ABAT: variants seen among roughly 807,000 people sequenced by gnomAD.
The protein encoded by ABAT is 4-aminobutyrate aminotransferase, mitochondrial.
In ABAT, 45 loss-of-function variants were observed where a neutral mutation model predicts 64.6. That is an observed-to-expected ratio of 0.70 (90% CI 0.55 to 0.89). The LOEUF is 0.89. Ranked by LOEUF, ABAT falls within the 40% of genes least tolerant of loss-of-function variation. The probability of loss-of-function intolerance (pLI) is 0.00; values close to 1 mark genes in which losing one functional copy is unlikely to be tolerated. For missense variants in ABAT, 633 were observed against 658.4 expected (o/e 0.96, Z 0.42); for synonymous variants, 297 against 250.5 (o/e 1.19, Z -1.75).
At chr16:8,775,389 A>G (rs138171235) in intron 13 of ABAT, among the ~76,000 whole-genome samples, 12 of 152,350 alleles carry the variant, frequency 7.9e-5, no homozygotes, top group African/African-American at 2.4e-4. Flanking sequence ...CCTGAGAACA[A>G]TCTAACCAAG....
intron 4 of ABAT, among the ~76,000 whole-genome samples, chr16:8,748,775 C>T (rs1385837904): frequency 6.6e-6 from 1 of 152,048 alleles, no homozygotes; most frequent in East Asian, 1.9e-4. Flanking sequence ...AATATTCTCT[C>T]TTTCTCTCTA....
At chr16:8,714,663 C>T (rs962952109) in intron 1 of ABAT, 17 of 152,602 alleles carry the variant, frequency 1.1e-4, no homozygotes, top group African/African-American at 2.9e-4. Context: ...GCAGCCAGGC[C>T]GCTGCCGGAG....
intron 1 of ABAT, among the ~76,000 whole-genome samples, chr16:8,691,765 G>T (rs9923953): frequency 5.3e-5 from 8 of 152,180 alleles, no homozygotes; most frequent in African/African-American, 1.9e-4. Flanking sequence ...GCAAGGTCTG[G>T]AGATGCTTTT....
Position 8,711,782 on chromosome 16 carries a change from G to GGAT in ABAT, c.-41-23916_-41-23915insATG, listed in dbSNP as rs1567279813. 4.0e-3 allele frequency among the ~76,000 whole-genome samples: 530 copies of GGAT among 132,814 alleles called. 2 individuals are homozygous for GGAT. Among genetic ancestry groups the GGAT allele is most frequent in the African/African-American group, 0.015 (477 of 31,938 alleles). 87.1% of individuals were successfully genotyped at this position (132,814 alleles called of 152,430 possible). On this transcript the variant is annotated intron_variant, in intron 1 of 15. Transcript: ENST00000268251. ...TGGGAAGATGGATGGATGGATGGAT[G>GGAT]GGAAGATGGATGGATGGATGGATGG...
chr16:8,729,828 TAAAAAAAA>T (rs5815494), intron 1 of ABAT, among the ~76,000 whole-genome samples: 3 of 128,456 alleles, frequency 2.3e-5, no homozygotes, highest in Non-Finnish European at 3.2e-5. Flanking sequence ...TTTTTTGTCT[TAAAAAAAA>T]AAAAAAAAAA....
chr16:8,725,897 C>A (rs1250183200), intron 1 of ABAT, among the ~76,000 whole-genome samples: 1 of 152,184 alleles, frequency 6.6e-6, no homozygotes, highest in Non-Finnish European at 1.5e-5. Context: ...ACTCCCACCC[C>A]AGTGGGTGCC....
At chr16:8,756,088 C>T (rs1333274634) in intron 5 of ABAT, among the ~76,000 whole-genome samples, 3 of 151,844 alleles carry the variant, frequency 2.0e-5, no homozygotes, top group Non-Finnish European at 2.9e-5. Context: ...TGGCACACAC[C>T]TATAAACCCA....
rs527949535 is a variant in ABAT at position 8,727,822 on chromosome 16, C to T, written c.-41-7877C>T. Among the ~76,000 whole-genome samples, 97 of 152,236 alleles carry T rather than the reference C, an allele frequency of 6.4e-4. 1 individual carries two copies. The highest frequency in any genetic ancestry group is 6.0e-3 in the South Asian group (29 of 4,824). ...GGTGGCTCATGCCTGTAATCCCAAC[C>T]GTTTGGGAGTCCAAGATGGTAGGAT... On this transcript the variant is annotated intron_variant, in intron 1 of 15. Transcript: ENST00000268251.
intron 5 of ABAT, among the ~76,000 whole-genome samples, chr16:8,756,431 G>A (rs55692102): frequency 0.08 from 12,162 of 151,714 alleles, 509 homozygotes; most frequent in South Asian, 0.13. Flanking sequence ...TAAAAAAAAG[G>A]GATACATGTG....
chr16:8,695,800 C>G (rs1398964877), intron 1 of ABAT, among the ~76,000 whole-genome samples: 2 of 152,200 alleles, frequency 1.3e-5, no homozygotes, highest in African/African-American at 4.8e-5. Context: ...TCAGTGGAAA[C>G]TGAACAGAGT....
At chr16:8,759,930 G>A (rs13337024) in intron 6 of ABAT, among the ~76,000 whole-genome samples, 22,222 of 152,096 alleles carry the variant, frequency 0.15, 1,712 homozygotes, top group East Asian at 0.25. Flanking sequence ...TCAAAATTAC[G>A]TCTGGGTGAT....
intron 1 of ABAT, among the ~76,000 whole-genome samples, chr16:8,677,768 A>C (rs1027022490): frequency 6.6e-6 from 1 of 152,210 alleles, no homozygotes; most frequent in Non-Finnish European, 1.5e-5. Flanking sequence ...TGCTGGTCTA[A>C]TACATGGCCT....
chr16:8,675,294 G>T (rs1330589660), intron 1 of ABAT, among the ~76,000 whole-genome samples: 2 of 151,998 alleles, frequency 1.3e-5, no homozygotes, highest in Non-Finnish European at 2.9e-5. Context: ...CTCCCTACCC[G>T]TCAGAGAGGC....
At chr16:8,707,480 C>A (rs1483404622) in intron 1 of ABAT, among the ~76,000 whole-genome samples, 2 of 151,726 alleles carry the variant, frequency 1.3e-5, no homozygotes, top group East Asian at 1.9e-4. Context: ...AGCCAATGTG[C>A]CCAGCCCAGA....
Position 8,764,738 on chromosome 16 carries a change from G to A in ABAT, c.448G>A (p.Val150Met). The stretch of plus-strand genomic sequence containing the variant: ...CTCACGGCTATTTCCCTCCCCACAG[G>A]TGGCTCCCAAAGGGATGTCCCAGCT... ...VEKLRQSLLSVAPKGMSQLIT... is the reference protein window; with the variant it reads ...VEKLRQSLLSMAPKGMSQLIT... Residue 150 changes from valine to methionine, a missense_variant and splice_region_variant, in exon 8 of 16, where the codon GTG (valine) becomes ATG (methionine). Physicochemically the swap from Val to Met is conservative, Grantham distance 21. Coordinates refer to ENST00000268251, the MANE Select transcript of ABAT (RefSeq NM_020686.6). The surrounding 1 kb of genome is among the most constrained non-coding windows in gnomAD (Gnocchi z 4.2). 2 of 1,614,032 alleles carry A rather than the reference G, an allele frequency of 1.2e-6. No individual in the cohort carries two copies. Among genetic ancestry groups the A allele is most frequent in the South Asian group, 1.1e-5 (1 of 91,086 alleles).
intron 1 of ABAT, chr16:8,731,561 C>T (rs187056970): frequency 1.3e-5 from 2 of 152,154 alleles, no homozygotes; most frequent in Admixed American, 6.5e-5. Flanking sequence ...CACTGGAAGC[C>T]GTGGTAGTTG....
At chr16:8,677,569 G>A (rs764920651) in intron 1 of ABAT, among the ~76,000 whole-genome samples, 6 of 152,168 alleles carry the variant, frequency 3.9e-5, no homozygotes, top group Non-Finnish European at 8.8e-5. Context: ...GTTGACAGTT[G>A]GGTCAGAGGA....
At chr16:8,759,081 G>A (rs1005206793) in intron 6 of ABAT, among the ~76,000 whole-genome samples, 3 of 151,986 alleles carry the variant, frequency 2.0e-5, no homozygotes, top group African/African-American at 7.3e-5. Context: ...CAGCTTGGGT[G>A]ACAGAGGGAG....
At chr16:8,745,074 T>G (rs2059291265) in intron 2 of ABAT, among the ~76,000 whole-genome samples, 1 of 152,014 alleles carries the variant, frequency 6.6e-6, no homozygotes, top group Non-Finnish European at 1.5e-5. Context: ...CCTCAACCTC[T>G]CAGGCTGAAG....
Sources: allele counts gnomAD v4.1 joint callset (sites outside exome capture counted in the v4.1 genomes callset), GRCh38; gene constraint gnomAD v4.1.1; non-coding constraint Gnocchi (gnomAD v3.1); transcripts MANE v1.5; gene names NCBI Gene and HGNC (gene_info 2026-07-23, HGNC 2026-07-21).